Variants in FSTL5 observed in about 807,000 individuals in gnomAD.
The protein encoded by FSTL5 is follistatin-related protein 5.
Under a neutral mutation model 89.1 loss-of-function variants are expected in FSTL5, and 62 were observed. The observed-to-expected ratio is 0.70, with a 90% CI of 0.57 to 0.86. The LOEUF is 0.86. Among genes scored for constraint, FSTL5 ranks in the 40% least tolerant of loss-of-function variants. The pLI, the probability that FSTL5 is intolerant of heterozygous loss-of-function variation, is 0.00. For synonymous variants in FSTL5, 383 were observed against 346.2 expected (o/e 1.11, Z -1.18); for missense variants, 1,057 against 1,001.6 (o/e 1.06, Z -0.75).
chr4:161,786,705 T>A (rs1203824150), intron 4 of FSTL5, among the ~76,000 whole-genome samples: 1 of 152,138 alleles, frequency 6.6e-6, no homozygotes, highest in East Asian at 1.9e-4. Context: ...GCTAGACATG[T>A]ATCTACCATT....
intron 15 of FSTL5, among the ~76,000 whole-genome samples, chr4:161,438,707 T>C (rs1732656922): frequency 6.6e-6 from 1 of 152,140 alleles, no homozygotes; most frequent in African/African-American, 2.4e-5. Flanking sequence ...AAAATTAAAA[T>C]TAAATTGATG....
intron 2 of FSTL5, among the ~76,000 whole-genome samples, chr4:162,068,992 A>G (rs185214981): frequency 3.9e-5 from 6 of 152,210 alleles, no homozygotes; most frequent in Non-Finnish European, 8.8e-5. Flanking sequence ...AACCACAATG[A>G]GATATCATCT....
intron 6 of FSTL5, among the ~76,000 whole-genome samples, chr4:161,749,558 G>T (rs894572667): frequency 6.6e-6 from 1 of 152,176 alleles, no homozygotes; most frequent in Non-Finnish European, 1.5e-5. Context: ...AGCACTTCGG[G>T]AGGCTGAGGC....
intron 10 of FSTL5, among the ~76,000 whole-genome samples, chr4:161,513,566 T>C (rs1242975482): frequency 6.6e-6 from 1 of 152,088 alleles, no homozygotes; most frequent in Admixed American, 6.6e-5. Context: ...CTATTCACAA[T>C]AGCAAAGATA....
chr4:161,974,164 G>A (rs978400912), intron 3 of FSTL5, among the ~76,000 whole-genome samples: 6 of 152,184 alleles, frequency 3.9e-5, no homozygotes, highest in South Asian at 2.1e-4. Flanking sequence ...AATCAATATC[G>A]TGAAAATGGC....
chr4:161,893,836 A>G (rs993300829), intron 4 of FSTL5, among the ~76,000 whole-genome samples: 2 of 152,154 alleles, frequency 1.3e-5, no homozygotes, highest in African/African-American at 2.4e-5. Flanking sequence ...AGTTTTTATT[A>G]ACTGACTTTT....
chr4:161,654,861 A>G (rs1029464897), intron 7 of FSTL5, among the ~76,000 whole-genome samples: 3 of 152,120 alleles, frequency 2.0e-5, no homozygotes, highest in Non-Finnish European at 4.4e-5. Flanking sequence ...TTTACTTTTC[A>G]TCTTGTAGGA....
intron 15 of FSTL5, among the ~76,000 whole-genome samples, chr4:161,421,021 A>G (rs996362953): frequency 1.3e-5 from 2 of 152,094 alleles, no homozygotes; most frequent in Non-Finnish European, 2.9e-5. Flanking sequence ...AAGGATTATT[A>G]CAGACAGTGT....
chr4:162,068,045 T>C (rs1239688687), intron 2 of FSTL5, among the ~76,000 whole-genome samples: 1 of 151,696 alleles, frequency 6.6e-6, no homozygotes. Flanking sequence ...AAGGAAACAA[T>C]AAAAAATGAC....
chr4:162,046,066 T>G (rs1738163377), intron 2 of FSTL5, among the ~76,000 whole-genome samples: 2 of 152,166 alleles, frequency 1.3e-5, no homozygotes, highest in African/African-American at 4.8e-5. Context: ...CACATTAAGT[T>G]TCTTATTATC....
chr4:161,542,636 G>A lies in FSTL5; in HGVS notation c.1073C>T (p.Ala358Val). 1 of 1,561,856 alleles carries A rather than the reference G, an allele frequency of 6.4e-7. No individual in the cohort carries two copies. The highest frequency in any genetic ancestry group is 1.4e-5 in the African/African-American group (1 of 72,910). The change falls in exon 9 of 16, where the codon GCC (alanine) becomes GTC (valine). Residue 358 changes from alanine (A) to valine (V), a missense_variant. Physicochemically the swap from Ala to Val is moderately conservative, Grantham distance 64. Around this residue, in one of 3 missense-constraint regions of FSTL5, gnomAD observed 980 missense variants for 903.2 expected, o/e 1.08. Coordinates refer to ENST00000306100, the MANE Select transcript of FSTL5 (RefSeq NM_020116.5). ...ESQAREPGVT[A>V]SLRCHAEGIP... ...GCCCTCTGCATGGCACCTAAGACTG[G>A]CAGTTACCCCAGGCTCTCTAGCCTG...
chr4:161,750,118 G>GT (rs1271855113), intron 6 of FSTL5, among the ~76,000 whole-genome samples: 2 of 151,990 alleles, frequency 1.3e-5, no homozygotes, highest in African/African-American at 4.8e-5. Flanking sequence ...TTTAGTATAT[G>GT]TTTTTTTGAA....
At chr4:161,827,501 G>A (rs1277422821) in intron 4 of FSTL5, among the ~76,000 whole-genome samples, 7 of 152,168 alleles carry the variant, frequency 4.6e-5, no homozygotes, top group Admixed American at 4.6e-4. Flanking sequence ...TGGTGAGTGG[G>A]GGCTTAGAGC....
chr4:161,901,569 C>T (rs534107535), intron 4 of FSTL5, among the ~76,000 whole-genome samples: 3 of 152,058 alleles, frequency 2.0e-5, no homozygotes, highest in Admixed American at 6.6e-5. Flanking sequence ...GTTAGATAAT[C>T]GCGTATGTCT....
intron 6 of FSTL5, among the ~76,000 whole-genome samples, chr4:161,737,631 T>C (rs1383664981): frequency 6.6e-6 from 1 of 152,038 alleles, no homozygotes; most frequent in Non-Finnish European, 1.5e-5. Flanking sequence ...TCATATTAAA[T>C]TTAAAGAGTG....
intron 1 of FSTL5, among the ~76,000 whole-genome samples, chr4:162,122,577 T>G (rs1466119003): frequency 6.6e-6 from 1 of 152,104 alleles, no homozygotes; most frequent in Non-Finnish European, 1.5e-5. Flanking sequence ...TGAATTTTTG[T>G]TTTTTTAAAT....
At chr4:161,681,821 A>AAAG (rs1737535602) in intron 6 of FSTL5, among the ~76,000 whole-genome samples, 1 of 152,180 alleles carries the variant, frequency 6.6e-6, no homozygotes, top group Admixed American at 6.5e-5. Flanking sequence ...GCTTTACAAA[A>AAAG]GAAAAATCAT....
chr4:161,964,573 T>C (rs1350960045), intron 3 of FSTL5, among the ~76,000 whole-genome samples: 1 of 151,974 alleles, frequency 6.6e-6, no homozygotes, highest in East Asian at 1.9e-4. Context: ...ATATCAAAGG[T>C]TAACTATTTT....
chr4:161,917,983 A>AT (rs1329739579), intron 4 of FSTL5, among the ~76,000 whole-genome samples: 1 of 152,082 alleles, frequency 6.6e-6, no homozygotes, highest in African/African-American at 2.4e-5. Context: ...TTAACTTTTC[A>AT]TTTTTTCTTT....
Sources: allele counts gnomAD v4.1 joint callset (sites outside exome capture counted in the v4.1 genomes callset), GRCh38; gene constraint gnomAD v4.1.1; regional missense constraint gnomAD v4.1.1; transcripts MANE v1.5; gene names NCBI Gene and HGNC (gene_info 2026-07-23, HGNC 2026-07-21).